The following ENTPD5 variants were observed in gnomAD, a reference collection of about 807,000 sequenced individuals.
ENTPD5 encodes the protein nucleoside diphosphate phosphatase ENTPD5.
A neutral mutation model predicts 60.2 loss-of-function variants in ENTPD5; 49 were observed. The ratio of observed to expected loss-of-function variants is 0.81; its 90% CI spans 0.65 to 1.03. The LOEUF is 1.03. ENTPD5 is among the 50% of genes least tolerant of loss of function. The pLI is 0.00. For synonymous variants in ENTPD5, 187 were observed against 185.4 expected (o/e 1.01, Z -0.07); for missense variants, 480 against 507.6 (o/e 0.95, Z 0.52).
chr14:73,970,006 T>G lies in ENTPD5; in HGVS notation c.1200+4A>C, dbSNP rs1273194731. ...TTATGAGACTCTGGTGTCCTGTCTCTTACCTGTAAGACTGTGCTGTCTGCA... is the reference window on the plus strand; with the variant it reads ...TTATGAGACTCTGGTGTCCTGTCTCGTACCTGTAAGACTGTGCTGTCTGCA... On this transcript the variant is annotated splice_donor_region_variant and intron_variant, in intron 15 of 15. Transcript: ENST00000334696. 5.6e-6 allele frequency: 9 copies of G among 1,604,818 alleles called. No individual in the cohort carries two copies. Among genetic ancestry groups the G allele is most frequent in the African/African-American group, 1.3e-5 (1 of 74,726 alleles).
chr14:73,986,899 T>G lies in ENTPD5; in HGVS notation c.218-6A>C. On this transcript the variant is annotated splice_region_variant and splice_polypyrimidine_tract_variant and intron_variant, in intron 4 of 15. Transcript: ENST00000334696. ...TTCTAGAATTGGAAGCTGTCCTATTTTGTCCATGGAACAAAACAGAAGAGA... is the reference window on the plus strand; with the variant it reads ...TTCTAGAATTGGAAGCTGTCCTATTGTGTCCATGGAACAAAACAGAAGAGA... The G allele has an allele frequency of 6.2e-7, 1 of 1,612,664 alleles. No homozygotes were observed. Among genetic ancestry groups the G allele is most frequent in the African/African-American group, 1.3e-5 (1 of 75,014 alleles).
At chr14:73,987,068 C>A (rs542037636) in intron 4 of ENTPD5, 175 bp from the exon 5 acceptor site, 5 of 709,360 alleles carry the variant, frequency 7.0e-6, no homozygotes, top group Non-Finnish European at 5.2e-6. Context: ...CTAGAGCAAC[C>A]TCTGAGGGTC....
intron 9 of ENTPD5, 145 bp downstream of exon 9, chr14:73,976,179 C>G (rs1472117727): frequency 3.7e-6 from 3 of 821,462 alleles, no homozygotes; most frequent in East Asian, 5.1e-5. Context: ...AGTGAGATGG[C>G]AAGGGAACAT....
chr14:73,995,204 G>A (rs1361822679), intron 3 of ENTPD5, among the ~76,000 whole-genome samples: 6 of 151,584 alleles, frequency 4.0e-5, no homozygotes, highest in South Asian at 2.1e-4. Context: ...ATGTGCCGCC[G>A]CGCCTGGCTA....
chr14:73,962,603 T>C, downstream of ENTPD5: 1 of 211,164 alleles, frequency 4.7e-6, no homozygotes, highest in Non-Finnish European at 9.4e-6. Flanking sequence ...TGAAGATGTT[T>C]AAGCTCCTTT....
chr14:73,988,115 A>AAG lies in ENTPD5; in HGVS notation c.-14_-13insCT, dbSNP rs768126956. ...AAGAAGTGGCCATTCTTTTCCCAAG[A>AAG]TGTGGCTGGGTGGAGGCTTTTGTTG... On this transcript the variant is annotated 5_prime_UTR_variant, in exon 4 of 16. Transcript: ENST00000334696. 4.4e-6 allele frequency: 7 copies of AAG among 1,601,986 alleles called. No homozygotes were observed. In the South Asian group the frequency reaches 7.8e-5, roughly 18 times the overall value.
chr14:73,958,279 T>A, downstream of ENTPD5: 1 of 1,614,058 alleles, frequency 6.2e-7, no homozygotes, highest in Non-Finnish European at 8.5e-7. Context: ...AAATTGTTGG[T>A]AGTTGAAGAT....
At chr14:73,983,623 C>CAA (rs368194848) in intron 5 of ENTPD5, among the ~76,000 whole-genome samples, 8,009 of 104,192 alleles carry the variant, frequency 0.077, 446 homozygotes, top group South Asian at 0.28. Flanking sequence ...CACTCCATCT[C>CAA]AAAAAAAAAA....
At chr14:73,957,251 C>T (rs2056482452), downstream of ENTPD5, among the ~76,000 whole-genome samples, 1 of 152,026 alleles carries the variant, frequency 6.6e-6, no homozygotes, top group African/African-American at 2.4e-5. Context: ...GCGCCTGCCA[C>T]CGTGCCCAGC....
chr14:73,974,826 C>G, intron 11 of ENTPD5, 98 bp downstream of exon 11: 1 of 975,384 alleles, frequency 1.0e-6, no homozygotes. Context: ...TCAACATAAT[C>G]TTTTCCTTCA....
intron 7 of ENTPD5, 65 bp downstream of exon 7, chr14:73,977,234 T>TTTAG (rs1043503020): frequency 7.2e-7 from 1 of 1,392,262 alleles, no homozygotes; most frequent in Non-Finnish European, 1.0e-6. Flanking sequence ...CCCCAGTTCC[T>TTTAG]TTAGTTAGAT....
chr14:73,961,812 T>TA (rs2056750202), downstream of ENTPD5: 2 of 1,614,064 alleles, frequency 1.2e-6, no homozygotes, highest in African/African-American at 1.3e-5. Context: ...GCTACAGACT[T>TA]ACTAAAAAGG....
downstream of ENTPD5, chr14:73,956,201 G>T (rs112175736): frequency 1.9e-5 from 7 of 376,048 alleles, no homozygotes; most frequent in Admixed American, 2.2e-4. Flanking sequence ...GGTGGCGGGC[G>T]CCTATAGACC....
intron 15 of ENTPD5, among the ~76,000 whole-genome samples, chr14:73,968,551 A>G (rs1207308928): frequency 6.6e-6 from 1 of 151,396 alleles, no homozygotes; most frequent in Non-Finnish European, 1.5e-5. Flanking sequence ...TCAGCCTCCC[A>G]AGTAGCTGGG....
chr14:74,003,768 G>A (rs1008420824), intron 3 of ENTPD5, among the ~76,000 whole-genome samples: 1 of 151,408 alleles, frequency 6.6e-6, no homozygotes, highest in African/African-American at 2.4e-5. Flanking sequence ...TGCTGTCTTA[G>A]CTGAAGAATC....
At chr14:73,956,895 T>G (rs1426461420), downstream of ENTPD5, 2 of 152,134 alleles carry the variant, frequency 1.3e-5, no homozygotes, top group South Asian at 4.1e-4. Context: ...AATCTAAAAT[T>G]TAATAACTTA....
intron 3 of ENTPD5, among the ~76,000 whole-genome samples, chr14:73,990,846 T>C (rs944832537): frequency 6.6e-6 from 1 of 151,660 alleles, no homozygotes; most frequent in African/African-American, 2.4e-5. Context: ...ATGACCAATA[T>C]GGTAAAACCC....
intron 3 of ENTPD5, chr14:73,996,519 A>G: frequency 6.6e-6 from 1 of 151,994 alleles, no homozygotes; most frequent in East Asian, 1.9e-4. Context: ...AAAAAAAAAA[A>G]AAACTTTAGA....
At chr14:73,962,099 C>G (rs1218586060), downstream of ENTPD5, among the ~76,000 whole-genome samples, 1 of 152,022 alleles carries the variant, frequency 6.6e-6, no homozygotes, top group Non-Finnish European at 1.5e-5. Context: ...AGGCGCCCAC[C>G]ACCACACCCG....
Sources: allele counts gnomAD v4.1 joint callset (sites outside exome capture counted in the v4.1 genomes callset), GRCh38; gene constraint gnomAD v4.1.1; transcripts MANE v1.5; gene names NCBI Gene and HGNC (gene_info 2026-07-23, HGNC 2026-07-21).